Variants in ATP8A2 observed in about 807,000 individuals in gnomAD.
ATP8A2 encodes the protein ATPase phospholipid transporting 8A2.
In ATP8A2, 100 loss-of-function variants were observed where a neutral mutation model predicts 165.6. The ratio of observed to expected loss-of-function variants is 0.60; its 90% CI spans 0.51 to 0.71. ATP8A2 has a LOEUF of 0.71. Ranked by LOEUF, ATP8A2 falls within the 30% of genes least tolerant of loss-of-function variation. The probability of loss-of-function intolerance (pLI) is 0.00; values close to 1 mark genes in which losing one functional copy is unlikely to be tolerated. For missense variants in ATP8A2, 1,227 were observed against 1,479.5 expected (o/e 0.83, Z 2.80); for synonymous variants, 543 against 548.8 (o/e 0.99, Z 0.15).
intron 33 of ATP8A2, among the ~76,000 whole-genome samples, chr13:25,923,851 C>A (rs1954527216): frequency 6.6e-6 from 1 of 152,094 alleles, no homozygotes; most frequent in Non-Finnish European, 1.5e-5. Flanking sequence ...CTAAGATTGC[C>A]ACATAGGTAG....
At chr13:25,380,381 C>G (rs981383824) in intron 1 of ATP8A2, among the ~76,000 whole-genome samples, 1 of 151,972 alleles carries the variant, frequency 6.6e-6, no homozygotes, top group African/African-American at 2.4e-5. Flanking sequence ...AGATCTTTGC[C>G]GCGCAGTAGA....
intron 33 of ATP8A2, among the ~76,000 whole-genome samples, chr13:25,956,276 C>A (rs1162289645): frequency 1.3e-5 from 2 of 152,158 alleles, no homozygotes; most frequent in Non-Finnish European, 2.9e-5. Context: ...CCAGGGCAAT[C>A]AGGCAAGAGA....
At chr13:25,885,589 G>A (rs1037608045) in intron 33 of ATP8A2, among the ~76,000 whole-genome samples, 22 of 152,246 alleles carry the variant, frequency 1.4e-4, no homozygotes, top group African/African-American at 4.6e-4. Context: ...CGGGGTTGGC[G>A]ACTGCAGCAG....
intron 24 of ATP8A2, among the ~76,000 whole-genome samples, chr13:25,691,016 AG>A (rs1388252584): frequency 2.0e-5 from 3 of 152,236 alleles, no homozygotes; most frequent in Non-Finnish European, 2.9e-5. Context: ...GCTTGGCAAC[AG>A]AAATAATAAA....
intron 4 of ATP8A2, 72 bp from the exon 5 acceptor site, chr13:25,532,200 G>A (rs2038136096): frequency 3.3e-6 from 4 of 1,213,386 alleles, no homozygotes; most frequent in South Asian, 1.3e-5. Flanking sequence ...TTTCCTGATT[G>A]TTTTGTTTGC....
rs111313336 is a variant in ATP8A2, at chr13:26,012,584, C to T, written c.3431C>T (p.Thr1144Met). The change falls in exon 36 of 37, where the codon ACG becomes ATG. Residue 1144 changes from threonine to methionine, a missense_variant. Transcript: ENST00000381655. ...IKRLGRKTPP[T>M]LFRGSSLQQG... ...AGGCTGGGCCGGAAGACGCCCCCGA[C>T]GCTGTTCCGGGGCAGCTCCCTGCAG... The T allele has an allele frequency of 1.3e-6, 2 of 1,528,266 alleles. No homozygotes were observed. 94.7% of individuals were successfully genotyped at this position (1,528,266 alleles called of 1,614,324 possible).
In ATP8A2 at chr13:25,837,202, G is replaced by A; in HGVS notation, c.2794G>A (p.Glu932Lys). The change falls in exon 29 of 37, where the codon GAG becomes AAG. Residue 932 changes from glutamate (E) to lysine (K), a missense_variant. This residue lies in a region of ATP8A2 where 592 missense variants were observed against 785.6 expected (regional missense o/e 0.75). Coordinates refer to ENST00000381655, the MANE Select transcript of ATP8A2 (RefSeq NM_016529.6). ...ALPPFTLGIF[E>K]RSCTQESMLR... is the part of the protein sequence containing the mutation. Reference sequence around the variant, plus strand: ...GCCGCCCTTCACTCTGGGAATCTTTGAGAGGTCTTGCACTCAGGAGAGCAT... The same window carrying A: ...GCCGCCCTTCACTCTGGGAATCTTTAAGAGGTCTTGCACTCAGGAGAGCAT... The A allele has an allele frequency of 6.2e-7, 1 of 1,613,980 alleles. No individual in the cohort carries two copies. The highest frequency in any genetic ancestry group is 8.5e-7 in the Non-Finnish European group (1 of 1,179,974).
intron 33 of ATP8A2, among the ~76,000 whole-genome samples, chr13:25,877,640 C>T (rs1004801324): frequency 2.0e-5 from 3 of 152,166 alleles, no homozygotes; most frequent in Admixed American, 1.3e-4. Context: ...GGTGTCTCCT[C>T]CCATGTTCCT....
chr13:25,476,606 G>C (rs1008794338), intron 2 of ATP8A2, among the ~76,000 whole-genome samples: 20 of 152,058 alleles, frequency 1.3e-4, no homozygotes, highest in African/African-American at 4.6e-4. Context: ...TAACTTTTTT[G>C]GTTTATGTAA....
intron 26 of ATP8A2, among the ~76,000 whole-genome samples, chr13:25,773,001 C>T (rs1420229842): frequency 6.6e-6 from 1 of 152,164 alleles, no homozygotes; most frequent in Non-Finnish European, 1.5e-5. Context: ...CTTAGGTGAT[C>T]TGCCCGCCTT....
intron 30 of ATP8A2, among the ~76,000 whole-genome samples, chr13:25,859,987 C>CT (rs1224375757): frequency 6.7e-6 from 1 of 150,336 alleles, no homozygotes; most frequent in African/African-American, 2.4e-5. Flanking sequence ...TGGTTGGAAG[C>CT]TTGACTTTAT....
chr13:25,842,412 C>A (rs1004932761), intron 30 of ATP8A2, among the ~76,000 whole-genome samples: 1 of 152,154 alleles, frequency 6.6e-6, no homozygotes, highest in African/African-American at 2.4e-5. Flanking sequence ...TGGTGTCTCA[C>A]GCCTATAATC....
chr13:25,698,768 G>A (rs987816154), intron 24 of ATP8A2, among the ~76,000 whole-genome samples: 4 of 152,100 alleles, frequency 2.6e-5, no homozygotes, highest in African/African-American at 9.7e-5. Context: ...TTAATATTTT[G>A]TCATATTTTT....
chr13:25,539,883 CT>C (rs1433641542), intron 7 of ATP8A2, among the ~76,000 whole-genome samples: 1 of 152,208 alleles, frequency 6.6e-6, no homozygotes, highest in Non-Finnish European at 1.5e-5. Context: ...TGCCTCGATC[CT>C]TCAACTCCTC....
chr13:25,505,813 A>C (rs1255837747), intron 2 of ATP8A2, among the ~76,000 whole-genome samples: 1 of 152,256 alleles, frequency 6.6e-6, no homozygotes, highest in African/African-American at 2.4e-5. Context: ...ATCATTAACA[A>C]GGTATTATTA....
chr13:25,529,934 T>G, intron 2 of ATP8A2, 65 bp from the exon 3 acceptor site: 1 of 897,218 alleles, frequency 1.1e-6, no homozygotes, highest in South Asian at 1.6e-5. Flanking sequence ...AAACTTCTTG[T>G]CCTGTTCTTG....
chr13:25,473,968 T>C (rs1452985897), intron 2 of ATP8A2, among the ~76,000 whole-genome samples: 6 of 152,208 alleles, frequency 3.9e-5, no homozygotes, highest in East Asian at 1.9e-4. Context: ...ATGTAATCTT[T>C]CTATGTGATT....
intron 2 of ATP8A2, among the ~76,000 whole-genome samples, chr13:25,504,751 A>AAAG (rs2036976653): frequency 6.7e-6 from 1 of 150,248 alleles, no homozygotes; most frequent in Non-Finnish European, 1.5e-5. Flanking sequence ...CGTCTCAAAA[A>AAAG]AAAAAAAAAA....
chr13:25,803,920 A>G (rs762638485), intron 27 of ATP8A2, among the ~76,000 whole-genome samples: 2 of 152,214 alleles, frequency 1.3e-5, no homozygotes, highest in Non-Finnish European at 2.9e-5. Context: ...TCTCTGGCAC[A>G]TTTGCTTAAC....
Sources: gnomAD v4.1 joint callset for allele counts (sites outside exome capture counted in the v4.1 genomes callset) on GRCh38, gnomAD v4.1.1 for gene constraint, gnomAD v4.1.1 regional missense constraint, MANE v1.5 for transcripts, NCBI Gene and HGNC (gene_info 2026-07-23, HGNC 2026-07-21) for gene names.